Variants in BRCA2 observed in about 807,000 individuals in gnomAD.
The protein encoded by BRCA2 is breast cancer type 2 susceptibility protein.
Under a neutral mutation model 276.7 loss-of-function variants are expected in BRCA2, and 203 were observed. The observed-to-expected ratio is 0.73, with a 90% CI of 0.65 to 0.82. The LOEUF (loss-of-function observed/expected upper bound fraction) is 0.82. Among genes scored for constraint, BRCA2 ranks in the 40% least tolerant of loss-of-function variants. BRCA2 has a pLI of 0.00. For synonymous variants in BRCA2, 1,289 were observed against 1,338.4 expected, an observed-to-expected ratio of 0.96 and a Z score of 0.81; for missense variants, 3,920 against 3,915.0, an observed-to-expected ratio of 1.00 and a Z score of -0.03.
At position 32,362,671 on chromosome 13, in the gene BRCA2, G is replaced by T; in HGVS notation, c.7954G>T (p.Val2652Leu). 6.2e-7 allele frequency: 1 copy of T among 1,614,154 alleles called. No homozygotes were observed. The highest frequency in any genetic ancestry group is 8.5e-7 in the Non-Finnish European group (1 of 1,180,030). The change falls in exon 17 of 27, where the codon GTG becomes TTG. Residue 2652 changes from valine to leucine, a missense_variant. Val to Leu is a conservative substitution (Grantham distance 32). This residue lies in a region of BRCA2 where 3,263 missense variants were observed against 3,156.9 expected (regional missense o/e 1.03). Coordinates refer to ENST00000380152, the MANE Select transcript of BRCA2 (RefSeq NM_000059.4). ...TAATAGATGCCTAAGCCCAGAAAGGGTGCTTCTTCAACTAAAATACAGGCA... is the reference window on the plus strand; with the variant it reads ...TAATAGATGCCTAAGCCCAGAAAGGTTGCTTCTTCAACTAAAATACAGGCA... The part of the protein sequence containing the change: ...FANRCLSPER[V>L]LLQLKYRYDT...
intron 24 of BRCA2, among the ~76,000 whole-genome samples, chr13:32,381,840 C>G (rs1743347041): frequency 6.6e-6 from 1 of 152,060 alleles, no homozygotes; most frequent in Non-Finnish European, 1.5e-5. Flanking sequence ...ATGAACCAAA[C>G]AAAAGCAATG....
intron 7 of BRCA2, 88 bp downstream of exon 7, chr13:32,326,701 AAAG>A (rs2137453523): frequency 2.0e-6 from 2 of 982,062 alleles, no homozygotes; most frequent in African/African-American, 1.6e-5. Context: ...GGAAATATGA[AAAG>A]AAAATATTAG....
intron 3 of BRCA2, among the ~76,000 whole-genome samples, chr13:32,322,515 G>A (rs1204782945): frequency 6.6e-6 from 1 of 152,210 alleles, no homozygotes; most frequent in Non-Finnish European, 1.5e-5. Context: ...TCTGCAGCAG[G>A]AGAATGTCCT....
intron 11 of BRCA2, among the ~76,000 whole-genome samples, chr13:32,342,163 C>T (rs1158750323): frequency 1.3e-5 from 2 of 151,566 alleles, no homozygotes; most frequent in African/African-American, 4.9e-5. Flanking sequence ...ATCCCAACTA[C>T]TCCAGAAGCT....
intron 26 of BRCA2, among the ~76,000 whole-genome samples, 191 bp downstream of exon 26, chr13:32,397,235 C>CTTT (rs1783261927): frequency 6.6e-6 from 1 of 152,170 alleles, no homozygotes. Flanking sequence ...ACTCTGGGTG[C>CTTT]ACACTTTCCA....
chr13:32,317,756 T>C (rs1328115511), intron 2 of BRCA2, among the ~76,000 whole-genome samples: 1 of 152,262 alleles, frequency 6.6e-6, no homozygotes, highest in South Asian at 2.1e-4. Flanking sequence ...CATTTTGTCA[T>C]TGACAACAAA....
rs938174035 is a variant in BRCA2, at chr13:32,399,563, C to A, written c.*793C>A. ...AATTAAATTACTTCAACTAAAAATT[C>A]AAATACTTTAAATCAGAAGATTTCA... On this transcript the variant is annotated 3_prime_UTR_variant, in exon 27 of 27. Transcript: ENST00000380152. 3.9e-5 allele frequency: 7 copies of A among 180,060 alleles called. No homozygotes were observed. The highest frequency in any genetic ancestry group is 6.3e-5 in the Admixed American group (1 of 15,912). 11.2% of individuals were successfully genotyped at this position (180,060 alleles called of 1,614,324 possible).
At position 32,319,151 on chromosome 13, in the gene BRCA2, G is replaced by A. The variant is rs1555280354; in HGVS notation, c.142G>A (p.Glu48Lys). The change falls in exon 3 of 27, where the codon GAA becomes AAA. Residue 48 changes from glutamate to lysine, a missense_variant. By Grantham distance (56) the Glu-to-Lys change is moderately conservative (BLOSUM62 1). Transcript: ENST00000380152. ...EAPPYNSEPAEESEHKNNNYE... is the reference protein window; with the variant it reads ...EAPPYNSEPAKESEHKNNNYE... ...TCCACCCTATAATTCTGAACCTGCAGAAGAATCTGAACATAAAAACAACAA... is the reference window on the plus strand; with the variant it reads ...TCCACCCTATAATTCTGAACCTGCAAAAGAATCTGAACATAAAAACAACAA... The A allele has an allele frequency of 6.2e-7, 1 of 1,613,912 alleles. No individual in the cohort carries two copies. The highest frequency in any genetic ancestry group is 8.5e-7 in the Non-Finnish European group (1 of 1,179,912).
In BRCA2 at chr13:32,332,283, A is replaced by G. The variant is rs1217128211; in HGVS notation, c.805A>G (p.Thr269Ala). ...TTATACTTTAACAGGATTTGGAAAA[A>G]CATCAGGGAATTCATTTAAAGTAAA... ...REAASHGFGK[T>A]SGNSFKVNSC... Residue 269 changes from threonine to alanine, a missense_variant, in exon 10 of 27, where the codon ACA (threonine) becomes GCA (alanine). By Grantham distance (58) the Thr-to-Ala change is moderately conservative. This residue lies in a region of BRCA2 where 3,263 missense variants were observed against 3,156.9 expected (regional missense o/e 1.03). Transcript: ENST00000380152. 1 of 1,603,388 alleles carries G rather than the reference A, an allele frequency of 6.2e-7. No homozygotes were observed.
At chr13:32,328,920 G>A (rs2072369017) in intron 7 of BRCA2, among the ~76,000 whole-genome samples, 1 of 152,056 alleles carries the variant, frequency 6.6e-6, no homozygotes, top group African/African-American at 2.4e-5. Context: ...TGTACTCAAA[G>A]CCTGAGCTTA....
At position 32,337,662 on chromosome 13, in the gene BRCA2, T is replaced by G. The variant is rs773303914; in HGVS notation, c.3307T>G (p.Leu1103Val). Residue 1103 changes from leucine (L) to valine (V), a missense_variant, in exon 11 of 27, where the codon TTA becomes GTA. Leu to Val is a conservative substitution (Grantham distance 32). Transcript: ENST00000380152. ...SKQDFNSNHN[L>V]TPSQKAEITE... ...GCAGGATTTTAATTCAAACCATAAT[T>G]TAACACCTAGCCAAAAGGCAGAAAT... 1 of 1,594,992 alleles carries G rather than the reference T, an allele frequency of 6.3e-7. No homozygotes were observed. Among genetic ancestry groups the G allele is most frequent in the Non-Finnish European group, 8.5e-7 (1 of 1,171,644 alleles).
At chr13:32,319,688 A>G (rs946127319) in intron 3 of BRCA2, among the ~76,000 whole-genome samples, 1 of 152,226 alleles carries the variant, frequency 6.6e-6, no homozygotes, top group African/African-American at 2.4e-5. Context: ...TTTTACCGAT[A>G]TACTATAAGT....
At chr13:32,326,419 A>G (rs2072348036) in intron 6 of BRCA2, 80 bp from the exon 7 acceptor site, 2 of 1,446,108 alleles carry the variant, frequency 1.4e-6, no homozygotes, top group East Asian at 4.6e-5. Context: ...CGTTAAGTGA[A>G]ATAAAGAGTG....
At chr13:32,379,005 A>G (rs2072892678) in intron 21 of BRCA2, among the ~76,000 whole-genome samples, 1 of 152,208 alleles carries the variant, frequency 6.6e-6, no homozygotes, top group Non-Finnish European at 1.5e-5. Context: ...ATGAATTAGT[A>G]CATTTACTAC....
chr13:32,354,883 A>G lies in BRCA2; in HGVS notation c.7030A>G (p.Ile2344Val), dbSNP rs876658231. Reference sequence around the variant, plus strand: ...CAGCACAACTAAGGAACGTCAAGAGATACAGAATCCAAATTTTACCGCACC... The same window carrying G: ...CAGCACAACTAAGGAACGTCAAGAGGTACAGAATCCAAATTTTACCGCACC... ...PFRTTKERQE[I>V]QNPNFTAPGQ... Residue 2344 changes from isoleucine (I) to valine (V), a missense_variant, in exon 14 of 27, where the codon ATA (isoleucine) becomes GTA (valine). Transcript: ENST00000380152. 3.1e-6 allele frequency: 5 copies of G among 1,607,172 alleles called. No homozygotes were observed. The highest frequency in any genetic ancestry group is 3.4e-6 in the Non-Finnish European group (4 of 1,173,694).
intron 3 of BRCA2, among the ~76,000 whole-genome samples, chr13:32,323,386 C>T (rs1210903227): frequency 6.6e-6 from 1 of 152,114 alleles, no homozygotes; most frequent in Non-Finnish European, 1.5e-5. Flanking sequence ...ATCTCCTGAC[C>T]TCGTGATCCG....
chr13:32,372,254 G>A (rs893361565), intron 20 of BRCA2, among the ~76,000 whole-genome samples: 6 of 152,248 alleles, frequency 3.9e-5, no homozygotes, highest in East Asian at 1.9e-4. Context: ...AATATTCACA[G>A]CACCTTCGCC....
chr13:32,367,913 A>G (rs2072795478), intron 18 of BRCA2, among the ~76,000 whole-genome samples: 2 of 151,402 alleles, frequency 1.3e-5, no homozygotes. Flanking sequence ...GTTTCTGTTT[A>G]TAAAAATGTT....
At position 32,356,627 on chromosome 13, in the gene BRCA2, A is replaced by G. The variant is rs2137563834; in HGVS notation, c.7617+18A>G. The G allele has an allele frequency of 6.2e-7, 1 of 1,612,446 alleles. No individual in the cohort carries two copies. The highest frequency in any genetic ancestry group is 8.5e-7 in the Non-Finnish European group (1 of 1,178,498). ...ATAAACAGGTATGTGTTTGTCTACA[A>G]TACTGATGGCTTTTATGACAGAGTG... On this transcript the variant is annotated intron_variant, in intron 15 of 26. Coordinates refer to ENST00000380152, the MANE Select transcript of BRCA2 (RefSeq NM_000059.4).
Sources: gnomAD v4.1 joint callset for allele counts (sites outside exome capture counted in the v4.1 genomes callset) on GRCh38, gnomAD v4.1.1 for gene constraint, gnomAD v4.1.1 regional missense constraint, MANE v1.5 for transcripts, NCBI Gene and HGNC (gene_info 2026-07-23, HGNC 2026-07-21) for gene names.